COG5: variants seen among roughly 807,000 people sequenced by gnomAD.
COG5 encodes component of oligomeric golgi complex 5.
Under a neutral mutation model 110.4 loss-of-function variants are expected in COG5, and 86 were observed. The ratio of observed to expected loss-of-function variants is 0.78; its 90% CI spans 0.65 to 0.93. COG5 has a LOEUF of 0.93. COG5 is among the 40% of genes least tolerant of loss of function. COG5 has a pLI of 0.00. For synonymous variants in COG5, 360 were observed against 334.6 expected (o/e 1.08, Z -0.83); for missense variants, 1,077 against 987.0 (o/e 1.09, Z -1.22).
intron 21 of COG5, chr7:107,208,859 G>T (rs1327966918): frequency 5.1e-6 from 5 of 985,346 alleles, no homozygotes; most frequent in Non-Finnish European, 6.0e-6. Context: ...GGTTCTTACT[G>T]ACCTGTCATA....
In COG5 at chr7:107,236,538, C is replaced by A; in HGVS notation, c.2003G>T (p.Arg668Ile). The change falls in exon 18 of 22, where the codon AGA becomes ATA. Residue 668 changes from arginine to isoleucine, a missense_variant. Coordinates refer to ENST00000297135, the MANE Select transcript of COG5 (RefSeq NM_006348.5). ...ATGGCGGATAAAAAGTTCAACAGCT[C>A]TTTGGGCAATAGCCTCAGTGTTGTC... ...VFDNTEAIAQ[R>I]AVELFIRHAS... is the part of the protein sequence containing the mutation. 1.2e-6 allele frequency: 2 copies of A among 1,614,138 alleles called. No homozygotes were observed. The highest frequency in any genetic ancestry group is 1.7e-6 in the Non-Finnish European group (2 of 1,180,010).
At chr7:107,409,549 A>G (rs1324663474) in intron 7 of COG5, among the ~76,000 whole-genome samples, 3 of 152,246 alleles carry the variant, frequency 2.0e-5, no homozygotes, top group African/African-American at 7.2e-5. Context: ...GGAAATAGTT[A>G]CATAATAAGA....
chr7:107,516,640 C>G (rs1289838413), intron 6 of COG5, among the ~76,000 whole-genome samples: 1 of 152,214 alleles, frequency 6.6e-6, no homozygotes, highest in Non-Finnish European at 1.5e-5. Flanking sequence ...CAGTGACCCT[C>G]TGGGACGAAG....
intron 10 of COG5, among the ~76,000 whole-genome samples, chr7:107,350,731 T>C (rs773371236): frequency 2.6e-5 from 4 of 152,148 alleles, no homozygotes; most frequent in Non-Finnish European, 2.9e-5. Context: ...TTGTTACCAA[T>C]TAAGGATCAT....
At chr7:107,454,919 G>A (rs552836221) in intron 6 of COG5, among the ~76,000 whole-genome samples, 3 of 152,250 alleles carry the variant, frequency 2.0e-5, no homozygotes, top group East Asian at 3.9e-4. Flanking sequence ...TGCTTGAGAT[G>A]TTCTAATATG....
chr7:107,479,802 G>A (rs939686060), intron 6 of COG5, among the ~76,000 whole-genome samples: 4 of 152,018 alleles, frequency 2.6e-5, no homozygotes, highest in Non-Finnish European at 5.9e-5. Flanking sequence ...TCGAATTGAC[G>A]TTTTAAATTA....
At chr7:107,462,177 G>A (rs1390145065) in intron 6 of COG5, among the ~76,000 whole-genome samples, 1 of 152,172 alleles carries the variant, frequency 6.6e-6, no homozygotes, top group South Asian at 2.1e-4. Context: ...CACATGGGAC[G>A]TGAGCACTTG....
rs1805365099 is a variant in COG5 at position 107,283,616 on chromosome 7, G to C, written c.1430C>G (p.Pro477Arg). 1 of 1,613,952 alleles carries C rather than the reference G, an allele frequency of 6.2e-7. No individual in the cohort carries two copies. The highest frequency in any genetic ancestry group is 8.5e-7 in the Non-Finnish European group (1 of 1,179,902). The change falls in exon 13 of 22, where the codon CCT (proline) becomes CGT (arginine). Residue 477 changes from proline to arginine, a missense_variant. Pro to Arg is a moderately radical substitution (Grantham distance 103, BLOSUM62 -2). Transcript: ENST00000297135. Reference protein sequence around the residue: ...NLVFPPGGRNPPSSDELDGII... With the variant: ...NLVFPPGGRNRPSSDELDGII... The stretch of plus-strand genomic sequence containing the variant: ...ACCATCAAGTTCATCAGAGGAAGGA[G>C]GATTACGACCACCCGGGGGAAAAAC...
At chr7:107,496,047 C>T (rs1015564033) in intron 6 of COG5, among the ~76,000 whole-genome samples, 1 of 151,606 alleles carries the variant, frequency 6.6e-6, no homozygotes, top group Non-Finnish European at 1.5e-5. Context: ...CTCCTGAGTA[C>T]CTGAGATTAC....
chr7:107,248,066 A>G (rs1363913905), intron 17 of COG5, among the ~76,000 whole-genome samples: 1 of 152,116 alleles, frequency 6.6e-6, no homozygotes, highest in Non-Finnish European at 1.5e-5. Flanking sequence ...GGAAGGGGAG[A>G]TGGTACAAAC....
chr7:107,225,603 C>T (rs1800275796), intron 19 of COG5, among the ~76,000 whole-genome samples: 1 of 152,190 alleles, frequency 6.6e-6, no homozygotes, highest in South Asian at 2.1e-4. Flanking sequence ...CATCCTTGAC[C>T]TCCCTGAGCT....
intron 12 of COG5, among the ~76,000 whole-genome samples, chr7:107,285,627 C>G (rs973610564): frequency 3.9e-5 from 6 of 152,030 alleles, no homozygotes; most frequent in African/African-American, 7.2e-5. Flanking sequence ...CTTTTCCTTC[C>G]ACAAATATTA....
chr7:107,534,776 C>T (rs534577408), intron 5 of COG5, among the ~76,000 whole-genome samples: 4 of 151,440 alleles, frequency 2.6e-5, no homozygotes, highest in South Asian at 2.1e-4. Context: ...AGAAAATTAA[C>T]AAGGATATTC....
intron 20 of COG5, 37 bp downstream of exon 20, chr7:107,211,062 A>C: frequency 6.2e-7 from 1 of 1,611,714 alleles, no homozygotes; most frequent in Non-Finnish European, 8.5e-7. Flanking sequence ...TAATGGGAAG[A>C]GTCACAAAAG....
intron 12 of COG5, among the ~76,000 whole-genome samples, chr7:107,292,646 G>GTT (rs1205890392): frequency 6.6e-6 from 1 of 152,082 alleles, no homozygotes; most frequent in African/African-American, 2.4e-5. Flanking sequence ...GATTTAAAAA[G>GTT]TTTTACTCAG....
In COG5 at chr7:107,474,059, G is replaced by C; in HGVS notation, c.538+53178C>G. 6.6e-7 allele frequency: 1 copy of C among 1,516,842 alleles called. No individual in the cohort carries two copies. The highest frequency in any genetic ancestry group is 8.9e-7 in the Non-Finnish European group (1 of 1,117,828). The allele number at this position is 1,516,842 out of a possible 1,614,324, so 94.0% of individuals were successfully genotyped here. A position where few individuals can be genotyped will look rare whatever the true frequency, so the allele number is the denominator to read the frequency against. ...GGGAAAAAAACCAACTGCTCCAAAA[G>C]AATGTGTTTTTCTCCCATTCTGGAA... On this transcript the variant is annotated intron_variant, in intron 6 of 21. Coordinates refer to ENST00000297135, the MANE Select transcript of COG5 (RefSeq NM_006348.5). This position sits in a 1 kb window ranked among gnomAD's most constrained non-coding sequence, Gnocchi z 5.7.
chr7:107,478,933 C>T (rs1046433463), intron 6 of COG5, among the ~76,000 whole-genome samples: 1 of 152,042 alleles, frequency 6.6e-6, no homozygotes, highest in Non-Finnish European at 1.5e-5. Flanking sequence ...AATTTTATTG[C>T]ATTTCATGAT....
At chr7:107,234,232 T>G (rs571599165) in intron 18 of COG5, among the ~76,000 whole-genome samples, 1 of 152,292 alleles carries the variant, frequency 6.6e-6, no homozygotes, top group Non-Finnish European at 1.5e-5. Flanking sequence ...ATGCTGTGTG[T>G]GTAAATGCTT....
At chr7:107,271,360 C>T (rs1171005539) in intron 14 of COG5, among the ~76,000 whole-genome samples, 1 of 152,124 alleles carries the variant, frequency 6.6e-6, no homozygotes, top group Non-Finnish European at 1.5e-5. Flanking sequence ...ATCAAATCTA[C>T]AGATCAATTT....
Sources: gnomAD v4.1 joint callset for allele counts (sites outside exome capture counted in the v4.1 genomes callset) on GRCh38, gnomAD v4.1.1 for gene constraint, Gnocchi (gnomAD v3.1) non-coding constraint, MANE v1.5 for transcripts, NCBI Gene and HGNC (gene_info 2026-07-23, HGNC 2026-07-21) for gene names.